The following CCDC90B variants were observed in gnomAD, a reference collection of about 807,000 sequenced individuals.
The protein encoded by CCDC90B is coiled-coil domain-containing protein 90B, mitochondrial.
CCDC90B carries 24 observed loss-of-function variants against 37.0 expected under a neutral mutation model. That is an observed-to-expected ratio of 0.65 (90% CI 0.47 to 0.91). CCDC90B has a LOEUF of 0.91. Among genes scored for constraint, CCDC90B ranks in the 40% least tolerant of loss-of-function variants. The probability of loss-of-function intolerance (pLI) is 0.00; values close to 1 mark genes in which losing one functional copy is unlikely to be tolerated. For missense variants in CCDC90B, 319 were observed against 299.0 expected (o/e 1.07, Z -0.49); for synonymous variants, 113 against 101.1 (o/e 1.12, Z -0.71).
In CCDC90B at chr11:83,261,885, C is replaced by T. The variant is rs1426614753; in HGVS notation, c.*26G>A. The T allele has an allele frequency of 1.3e-6, 2 of 1,560,632 alleles. No homozygotes were observed. Among genetic ancestry groups the T allele is most frequent in the Non-Finnish European group, 8.7e-7 (1 of 1,147,464 alleles). ...CCGGTTTGGTGTTCTAAGAAGCCAA[C>T]AGCCACAGCAGGATGAGCATTAATA... is the stretch of plus-strand genomic sequence containing the variant. On this transcript the variant is annotated 3_prime_UTR_variant, in exon 9 of 9. Coordinates refer to ENST00000529689, the MANE Select transcript of CCDC90B (RefSeq NM_021825.5).
intron 7 of CCDC90B, chr11:83,273,420 C>A (rs1019166708): frequency 5.8e-6 from 2 of 345,596 alleles, no homozygotes; most frequent in Non-Finnish European, 1.0e-5. Context: ...TAAAAAAGCA[C>A]ACTATGTGGA....
In CCDC90B at chr11:83,262,243, TGAC is replaced by T. The variant is rs548816090; in HGVS notation, c.710-280_710-278del. 7.2e-3 allele frequency among the ~76,000 whole-genome samples: 1,101 copies of T among 152,274 alleles called. 7 individuals are homozygous for T. Among genetic ancestry groups the T allele is most frequent in the Non-Finnish European group, 9.0e-3 (613 of 68,010 alleles). On this transcript the variant is annotated intron_variant, in intron 8 of 8. Coordinates refer to ENST00000529689, the MANE Select transcript of CCDC90B (RefSeq NM_021825.5). ...TTAAAATCATTAACGCTAGCATTATTGACTACTTTAAATAATTATAAGCTCTAA... is the reference window on the plus strand; with the variant it reads ...TTAAAATCATTAACGCTAGCATTATTTACTTTAAATAATTATAAGCTCTAA...
chr11:83,274,523 C>T (rs1738890117), intron 4 of CCDC90B, 116 bp downstream of exon 4: 1 of 575,748 alleles, frequency 1.7e-6, no homozygotes, highest in South Asian at 2.8e-5. Context: ...AATCTAAAAA[C>T]TTATTGTTTA....
chr11:83,286,095 C>A lies in CCDC90B; in HGVS notation c.-123G>T. On this transcript the variant is annotated 5_prime_UTR_variant, in exon 1 of 9. Transcript: ENST00000529689. Reference sequence around the variant, plus strand: ...ATTGTAGTTTTCGCTCTGTCACAAGCTCACCTCCCAGCGCAGGCGCCACCG... The same window carrying A: ...ATTGTAGTTTTCGCTCTGTCACAAGATCACCTCCCAGCGCAGGCGCCACCG... 6.5e-7 allele frequency: 1 copy of A among 1,537,254 alleles called. No individual in the cohort carries two copies. Among genetic ancestry groups the A allele is most frequent in the Non-Finnish European group, 8.7e-7 (1 of 1,146,930 alleles).
At chr11:83,271,871 T>G (rs1206766648) in intron 7 of CCDC90B, among the ~76,000 whole-genome samples, 1 of 152,182 alleles carries the variant, frequency 6.6e-6, no homozygotes, top group African/African-American at 2.4e-5. Context: ...AACCCAAATG[T>G]TCATCAATGA....
At position 83,265,233 on chromosome 11, in the gene CCDC90B, C is replaced by A. The variant is rs370576818; in HGVS notation, c.709+632G>T. 2.0e-5 allele frequency among the ~76,000 whole-genome samples: 3 copies of A among 152,262 alleles called. No individual in the cohort carries two copies. The East Asian group carries it at 5.8e-4, about 29-fold the overall frequency. On this transcript the variant is annotated intron_variant, in intron 8 of 8. Transcript: ENST00000529689. ...GTCAGGTCAGATGGTACTTGAGGAG[C>A]TCAGTATGTGACAAATAATCTAATT...
At chr11:83,279,588 C>T (rs1282306691) in intron 2 of CCDC90B, among the ~76,000 whole-genome samples, 1 of 152,058 alleles carries the variant, frequency 6.6e-6, no homozygotes, top group Non-Finnish European at 1.5e-5. Flanking sequence ...AGCTTTTCAT[C>T]TATCTGAAAT....
At chr11:83,262,493 A>T (rs1460522353) in intron 8 of CCDC90B, among the ~76,000 whole-genome samples, 1 of 152,190 alleles carries the variant, frequency 6.6e-6, no homozygotes, top group Non-Finnish European at 1.5e-5. Flanking sequence ...AATAGTTAAT[A>T]TACTACCTGT....
intron 1 of CCDC90B, 102 bp from the exon 2 acceptor site, chr11:83,280,362 G>T: frequency 1.9e-6 from 2 of 1,049,002 alleles, no homozygotes; most frequent in Non-Finnish European, 2.8e-6. Flanking sequence ...TATAGTTCCA[G>T]CTCTTCTAGT....
chr11:83,265,572 C>A (rs1244854525), intron 8 of CCDC90B, among the ~76,000 whole-genome samples: 1 of 152,134 alleles, frequency 6.6e-6, no homozygotes, highest in African/African-American at 2.4e-5. Flanking sequence ...GTGAGGATGA[C>A]AGAAGCTTAA....
intron 5 of CCDC90B, 42 bp from the exon 6 acceptor site, chr11:83,273,906 G>T (rs563753212): frequency 1.9e-6 from 3 of 1,593,180 alleles, no homozygotes; most frequent in East Asian, 4.5e-5. Flanking sequence ...ATCTTGTAAC[G>T]AATATTTGTT....
chr11:83,266,646 T>G (rs1864293962), intron 7 of CCDC90B, among the ~76,000 whole-genome samples: 1 of 152,174 alleles, frequency 6.6e-6, no homozygotes, highest in African/African-American at 2.4e-5. Context: ...CAATGCCTAC[T>G]GTCTCTAGAC....
At position 83,274,731 on chromosome 11, in the gene CCDC90B, C is replaced by G. The variant is rs1381006002; in HGVS notation, c.334G>C (p.Val112Leu). 2.5e-6 allele frequency: 4 copies of G among 1,599,424 alleles called. No individual in the cohort carries two copies. Among genetic ancestry groups the G allele is most frequent in the Non-Finnish European group, 3.4e-6 (4 of 1,169,298 alleles). ...MVTQAQQEITVQQLMAHLDAI... is the reference protein window; with the variant it reads ...MVTQAQQEITLQQLMAHLDAI... ...TCCAAATGAGCCATTAGCTGTTGTA[C>G]TGTTATTTCCTAGAAAACAAAATAA... is the stretch of plus-strand genomic sequence containing the variant. Residue 112 changes from valine (V) to leucine (L), a missense_variant, in exon 4 of 9, where the codon GTA (valine) becomes CTA (leucine). Coordinates refer to ENST00000529689, the MANE Select transcript of CCDC90B (RefSeq NM_021825.5).
At chr11:83,277,828 C>T (rs1334977535) in intron 3 of CCDC90B, among the ~76,000 whole-genome samples, 1 of 151,912 alleles carries the variant, frequency 6.6e-6, no homozygotes, top group Non-Finnish European at 1.5e-5. Flanking sequence ...TTTGATCTAC[C>T]ATGACCCTTT....
chr11:83,264,738 G>C (rs1864144891), intron 8 of CCDC90B, among the ~76,000 whole-genome samples: 2 of 151,960 alleles, frequency 1.3e-5, no homozygotes, highest in African/African-American at 2.4e-5. Flanking sequence ...ACTGGATTAA[G>C]AAAATGTGGC....
intron 7 of CCDC90B, among the ~76,000 whole-genome samples, chr11:83,267,788 AC>A (rs1222904985): frequency 6.6e-6 from 1 of 152,194 alleles, no homozygotes; most frequent in Non-Finnish European, 1.5e-5. Flanking sequence ...AAGAAGAGCA[AC>A]CCCAAGACAC....
rs540512219 is a variant in CCDC90B, at chr11:83,261,001, A to G, written c.*910T>C. On this transcript the variant is annotated 3_prime_UTR_variant, in exon 9 of 9. Coordinates refer to ENST00000529689, the MANE Select transcript of CCDC90B (RefSeq NM_021825.5). ...GGGATAAACTGGTTTTTGAGTATCA[A>G]ATATTTAAAAAATACATGTAATAAT... The G allele has an allele frequency of 7.2e-5, 11 of 152,352 alleles. 1 individual carries two copies. In the South Asian group the frequency reaches 2.1e-3, roughly 29 times the overall value. 9.4% of individuals were successfully genotyped at this position (152,352 alleles called of 1,614,324 possible). A position where few individuals can be genotyped will look rare whatever the true frequency, so the allele number is the denominator to read the frequency against.
intron 1 of CCDC90B, among the ~76,000 whole-genome samples, chr11:83,282,972 TTAA>T (rs1460385187): frequency 1.3e-5 from 2 of 152,228 alleles, no homozygotes; most frequent in Admixed American, 1.3e-4. Flanking sequence ...CATTTATGGA[TTAA>T]TCTATGGCTA....
At chr11:83,274,805 T>C in intron 3 of CCDC90B, 65 bp from the exon 4 acceptor site, 1 of 1,041,152 alleles carries the variant, frequency 9.6e-7, no homozygotes, top group Non-Finnish European at 1.4e-6. Flanking sequence ...TACAGAATTG[T>C]TTTCATGAAA....
Sources: allele counts gnomAD v4.1 joint callset (sites outside exome capture counted in the v4.1 genomes callset), GRCh38; gene constraint gnomAD v4.1.1; transcripts MANE v1.5; gene names NCBI Gene and HGNC (gene_info 2026-07-23, HGNC 2026-07-21).